Variants in SNTG1 observed in about 807,000 individuals in gnomAD.
SNTG1 encodes gamma-1-syntrophin.
A neutral mutation model predicts 74.7 loss-of-function variants in SNTG1; 39 were observed. The observed-to-expected ratio is 0.52, with a 90% CI of 0.40 to 0.68. The LOEUF (loss-of-function observed/expected upper bound fraction) is 0.68. Among genes scored for constraint, SNTG1 ranks in the 30% least tolerant of loss-of-function variants. The pLI is 0.00. For synonymous variants in SNTG1, 254 were observed against 217.1 expected, an observed-to-expected ratio of 1.17 and a Z score of -1.49; for missense variants, 685 against 609.5, an observed-to-expected ratio of 1.12 and a Z score of -1.30.
At chr8:50,453,444 A>G (rs957806342) in intron 8 of SNTG1, among the ~76,000 whole-genome samples, 4 of 152,214 alleles carry the variant, frequency 2.6e-5, no homozygotes, top group Non-Finnish European at 5.9e-5. Context: ...CAGTTTCCTC[A>G]TGAAAGGAAA....
chr8:50,291,935 G>C (rs549375142), intron 2 of SNTG1, among the ~76,000 whole-genome samples: 4 of 152,222 alleles, frequency 2.6e-5, no homozygotes, highest in South Asian at 4.1e-4. Context: ...TCCAATGGTA[G>C]AGGCATTTAT....
At chr8:49,947,446 C>A (rs1809300547) in intron 1 of SNTG1, among the ~76,000 whole-genome samples, 1 of 152,180 alleles carries the variant, frequency 6.6e-6, no homozygotes, top group African/African-American at 2.4e-5. Flanking sequence ...TCACCACTAT[C>A]TTTATGAGGG....
chr8:50,079,895 C>T (rs1243898794), intron 1 of SNTG1, among the ~76,000 whole-genome samples: 3 of 152,090 alleles, frequency 2.0e-5, no homozygotes, highest in Admixed American at 2.0e-4. Flanking sequence ...CTGTTCTATT[C>T]CATTGGTCTA....
intron 2 of SNTG1, among the ~76,000 whole-genome samples, chr8:50,332,882 T>G (rs1420156361): frequency 6.6e-6 from 1 of 152,210 alleles, no homozygotes; most frequent in Non-Finnish European, 1.5e-5. Flanking sequence ...AGCTTATTTC[T>G]TCTCAAGTAC....
At chr8:50,372,305 T>C (rs2092288387) in intron 2 of SNTG1, among the ~76,000 whole-genome samples, 1 of 151,892 alleles carries the variant, frequency 6.6e-6, no homozygotes, top group Non-Finnish European at 1.5e-5. Context: ...CGGGTTACCA[T>C]GGATCTAACA....
chr8:50,075,953 A>C lies in SNTG1; in HGVS notation c.-102-96608A>C, dbSNP rs574018893. On this transcript the variant is annotated intron_variant, in intron 1 of 18. Transcript: ENST00000642720. ...ACCTTTAAGAACTGTAACACTCACC[A>C]CAAGGGTCTGCAGCTTCATTCTTGA... Among the ~76,000 whole-genome samples the C allele has an allele frequency of 3.2e-4, 48 of 152,296 alleles. No homozygotes were observed. The East Asian group carries it at 9.3e-3, about 29-fold the overall frequency.
chr8:50,682,500 G>A (rs577691372), intron 15 of SNTG1, among the ~76,000 whole-genome samples: 2 of 152,188 alleles, frequency 1.3e-5, no homozygotes, highest in South Asian at 4.2e-4. Context: ...GGGTCAAAGA[G>A]GACAAGGAAG....
At chr8:50,158,807 G>A (rs2082328028) in intron 1 of SNTG1, among the ~76,000 whole-genome samples, 1 of 152,158 alleles carries the variant, frequency 6.6e-6, no homozygotes, top group Non-Finnish European at 1.5e-5. Context: ...ATGCACATGT[G>A]TAAGAGGATT....
intron 9 of SNTG1, among the ~76,000 whole-genome samples, chr8:50,508,989 C>A (rs184315234): frequency 6.6e-6 from 1 of 152,072 alleles, no homozygotes; most frequent in Non-Finnish European, 1.5e-5. Context: ...ACATGAAGTC[C>A]TTGCCCATGC....
chr8:50,462,794 CTCTTTTTTTTT>C (rs1427935691), intron 8 of SNTG1, among the ~76,000 whole-genome samples: 777 of 43,622 alleles, frequency 0.018, 202 homozygotes, highest in Middle Eastern at 0.026. Context: ...TCAGGTTCTA[CTCTTTTTTTTT>C]TTTTTTTTTT....
At chr8:50,658,706 G>A in intron 15 of SNTG1, 43 bp downstream of exon 15, 1 of 1,341,496 alleles carries the variant, frequency 7.5e-7, no homozygotes, top group Non-Finnish European at 1.1e-6. Flanking sequence ...CTTTTCCTCA[G>A]CAAATAGTGC....
chr8:50,102,652 G>A (rs2080184581), intron 1 of SNTG1, among the ~76,000 whole-genome samples: 2 of 149,286 alleles, frequency 1.3e-5, no homozygotes, highest in African/African-American at 5.1e-5. Flanking sequence ...TGTCCTGAAT[G>A]GTAATGCCTA....
At chr8:50,019,092 T>A (rs1173086251) in intron 1 of SNTG1, among the ~76,000 whole-genome samples, 1 of 152,064 alleles carries the variant, frequency 6.6e-6, no homozygotes, top group Non-Finnish European at 1.5e-5. Context: ...GATGAATGAT[T>A]GCTAATACGT....
At chr8:50,175,266 T>C (rs1417857571) in intron 2 of SNTG1, among the ~76,000 whole-genome samples, 1 of 152,188 alleles carries the variant, frequency 6.6e-6, no homozygotes, top group East Asian at 1.9e-4. Flanking sequence ...TTTCTAGTTC[T>C]AGATCCCTGA....
intron 2 of SNTG1, among the ~76,000 whole-genome samples, chr8:50,218,335 GA>G (rs59649574): frequency 0.11 from 17,229 of 151,678 alleles, 2,744 homozygotes; most frequent in African/African-American, 0.36. Flanking sequence ...AAAAATTTAA[GA>G]AAAAAAATTT....
At chr8:50,168,400 T>C (rs1231930083) in intron 1 of SNTG1, among the ~76,000 whole-genome samples, 1 of 152,140 alleles carries the variant, frequency 6.6e-6, no homozygotes, top group Non-Finnish European at 1.5e-5. Flanking sequence ...TTTTCTCTAA[T>C]AGTAAAGGAA....
chr8:50,353,963 T>A (rs1563933326), intron 2 of SNTG1, among the ~76,000 whole-genome samples: 2 of 152,182 alleles, frequency 1.3e-5, no homozygotes, highest in African/African-American at 4.8e-5. Context: ...AATTGATAGT[T>A]TGTACCTGGC....
chr8:50,149,265 G>C (rs1443312873), intron 1 of SNTG1, among the ~76,000 whole-genome samples: 1 of 152,032 alleles, frequency 6.6e-6, no homozygotes, highest in Non-Finnish European at 1.5e-5. Flanking sequence ...AAATTTGTTT[G>C]AGTTCTTTGT....
chr8:50,562,645 G>T (rs749386504), intron 12 of SNTG1, among the ~76,000 whole-genome samples: 2 of 152,142 alleles, frequency 1.3e-5, no homozygotes. Context: ...GTAGGAATTT[G>T]ATATGACAAC....
Sources: allele counts gnomAD v4.1 joint callset (sites outside exome capture counted in the v4.1 genomes callset), GRCh38; gene constraint gnomAD v4.1.1; transcripts MANE v1.5; gene names NCBI Gene and HGNC (gene_info 2026-07-23, HGNC 2026-07-21).